STOX2: variants seen among roughly 807,000 people sequenced by gnomAD.
STOX2 encodes storkhead-box protein 2.
Under a neutral mutation model 60.9 loss-of-function variants are expected in STOX2, and 28 were observed. The ratio of observed to expected loss-of-function variants is 0.46; its 90% CI spans 0.34 to 0.63. The LOEUF (loss-of-function observed/expected upper bound fraction) is 0.63, where lower values mean the gene tolerates loss of function less well. Among genes scored for constraint, STOX2 ranks in the 30% least tolerant of loss-of-function variants. STOX2 has a pLI of 0.01. For missense variants in STOX2, 1,024 were observed against 1,187.7 expected, an observed-to-expected ratio of 0.86 and a Z score of 2.03; for synonymous variants, 472 against 463.9, an observed-to-expected ratio of 1.02 and a Z score of -0.22.
At chr4:183,816,087 G>A (rs989162989) in intron 1 of STOX2, among the ~76,000 whole-genome samples, 5 of 152,182 alleles carry the variant, frequency 3.3e-5, no homozygotes, top group East Asian at 1.9e-4. Context: ...AAACCAAATC[G>A]ATTCGTAAGG....
rs771757469 is a variant in STOX2, at chr4:183,832,848, A to G, written c.364+34793A>G. On this transcript the variant is annotated intron_variant, in intron 1 of 2. Transcript: ENST00000513034. ...TCTTCCTCTGACTCTCGGCTCAATT[A>G]AAAAGATGAGGTAAACTTTATACAC... Among the ~76,000 whole-genome samples the G allele has an allele frequency of 3.9e-5, 6 of 152,298 alleles. No individual in the cohort carries two copies. In the South Asian group the frequency reaches 1.2e-3, roughly 32 times the overall value.
At chr4:183,983,796 A>C (rs1205295558) in intron 1 of STOX2, among the ~76,000 whole-genome samples, 1 of 152,096 alleles carries the variant, frequency 6.6e-6, no homozygotes, top group African/African-American at 2.4e-5. Flanking sequence ...TTAATTGATT[A>C]ATTTTTAGAG....
At chr4:184,006,931 GC>G (rs1733875506) in intron 2 of STOX2, among the ~76,000 whole-genome samples, 2 of 141,062 alleles carry the variant, frequency 1.4e-5, no homozygotes, top group East Asian at 4.3e-4. Flanking sequence ...CAGGAGAATG[GC>G]GTGAACCCAG....
At chr4:183,798,749 G>A (rs957742706) in intron 1 of STOX2, 2 of 985,300 alleles carry the variant, frequency 2.0e-6, no homozygotes, top group African/African-American at 3.5e-5. Context: ...GTAAAGAGGG[G>A]CAGAGTCGCC....
intron 1 of STOX2, among the ~76,000 whole-genome samples, chr4:183,976,603 G>A (rs189367099): frequency 7.9e-5 from 12 of 152,204 alleles, no homozygotes; most frequent in Non-Finnish European, 1.5e-4. Flanking sequence ...TACCTGTGGG[G>A]TACTATGCTC....
At chr4:183,838,021 A>G (rs1375685835) in intron 1 of STOX2, among the ~76,000 whole-genome samples, 1 of 152,162 alleles carries the variant, frequency 6.6e-6, no homozygotes, top group Non-Finnish European at 1.5e-5. Context: ...AGTTAGAAAA[A>G]TACAGAAAAT....
chr4:183,824,965 C>T (rs1273693677), intron 1 of STOX2, among the ~76,000 whole-genome samples: 1 of 152,244 alleles, frequency 6.6e-6, no homozygotes. Flanking sequence ...TGTGCAATCA[C>T]AAGTGGGTTC....
At chr4:183,956,541 T>C (rs1252436240) in intron 1 of STOX2, among the ~76,000 whole-genome samples, 1 of 152,098 alleles carries the variant, frequency 6.6e-6, no homozygotes, top group African/African-American at 2.4e-5. Context: ...CACTAATGTT[T>C]TAGAGCTGCA....
chr4:183,989,169 G>GTTTTTTTTTT (rs11421201), intron 1 of STOX2, among the ~76,000 whole-genome samples: 43 of 79,950 alleles, frequency 5.4e-4, no homozygotes, highest in African/African-American at 1.3e-3. Context: ...ATTTTTTCTG[G>GTTTTTTTTTT]TTTTTTTTTT....
chr4:183,826,526 T>G (rs1739436304), intron 1 of STOX2, among the ~76,000 whole-genome samples: 1 of 152,210 alleles, frequency 6.6e-6, no homozygotes, highest in South Asian at 2.1e-4. Context: ...CCATGGCTTG[T>G]ATTCTCTACA....
At chr4:183,889,316 G>A (rs751135787) in intron 1 of STOX2, among the ~76,000 whole-genome samples, 11 of 152,078 alleles carry the variant, frequency 7.2e-5, no homozygotes, top group Non-Finnish European at 1.5e-4. Flanking sequence ...CACACAGGGA[G>A]AATGCACAGA....
Position 184,017,523 on chromosome 4 carries a change from G to C in STOX2, c.*239G>C, listed in dbSNP as rs530008128. 5.1e-6 allele frequency: 2 copies of C among 390,192 alleles called. No homozygotes were observed. Among genetic ancestry groups the C allele is most frequent in the South Asian group, 9.2e-5 (2 of 21,812 alleles). 24.2% of individuals were successfully genotyped at this position (390,192 alleles called of 1,614,324 possible). On this transcript the variant is annotated 3_prime_UTR_variant, in exon 4 of 4. Coordinates refer to ENST00000308497, the MANE Select transcript of STOX2 (RefSeq NM_020225.3). ...CAGTAGGGGTGATATGTATACTTTT[G>C]CTTCACTAATTGTATCTGAGCACAC...
In STOX2 at chr4:183,811,456, G is replaced by A. The variant is rs190049009; in HGVS notation, c.364+13401G>A. Among the ~76,000 whole-genome samples the A allele has an allele frequency of 2.1e-3, 323 of 152,292 alleles. 1 individual carries two copies. Among genetic ancestry groups the A allele is most frequent in the Admixed American group, 0.015 (232 of 15,294 alleles). ...TTGATCCAGGCCTAAAGTATGAAGC[G>A]CCATGCTGTTCCTTTGGGTGACAAG... On this transcript the variant is annotated intron_variant, in intron 1 of 2. Coordinates refer to the STOX2 transcript ENST00000513034.
Position 184,009,681 on chromosome 4 carries a change from A to G in STOX2, c.843A>G (p.Lys281=). 2 of 1,613,826 alleles carry G rather than the reference A, an allele frequency of 1.2e-6. No individual in the cohort carries two copies. The highest frequency in any genetic ancestry group is 2.2e-5 in the South Asian group (2 of 91,056). Residue 281 remains lysine, a synonymous_variant, in exon 3 of 4, where the codon AAA becomes AAG. Coordinates refer to ENST00000308497, the MANE Select transcript of STOX2 (RefSeq NM_020225.3). The surrounding 1 kb of genome is among the most constrained non-coding windows in gnomAD (Gnocchi z 4.0). ...FRLSFKKDKT[K]QLANFSAQFP... ...TAAGTTTTAAAAAAGACAAGACCAA[A>G]CAGCTGGCCAATTTTTCTGCCCAGT... is the stretch of plus-strand genomic sequence containing the variant.
At position 183,951,163 on chromosome 4, in the gene STOX2, C is replaced by T. The variant is rs541254292; in HGVS notation, c.166+44207C>T. 4.4e-4 allele frequency among the ~76,000 whole-genome samples: 66 copies of T among 149,232 alleles called. 1 individual carries two copies. The highest frequency in any genetic ancestry group is 7.7e-4 in the African/African-American group (31 of 40,340). On this transcript the variant is annotated intron_variant, in intron 1 of 3. Transcript: ENST00000308497. The stretch of plus-strand genomic sequence containing the variant: ...CCGGGAGGTGGAGCTTGCAGTGAGC[C>T]GAGATCGCGCCACTGCACTCCAGCC...
intron 1 of STOX2, among the ~76,000 whole-genome samples, chr4:183,976,928 A>G (rs1431787140): frequency 6.6e-6 from 1 of 152,256 alleles, no homozygotes; most frequent in African/African-American, 2.4e-5. Context: ...TTGATTGACC[A>G]TATAGATAAT....
chr4:184,015,777 A>G (rs1053175334), intron 3 of STOX2: 7 of 152,278 alleles, frequency 4.6e-5, no homozygotes, highest in Admixed American at 2.6e-4. Flanking sequence ...CTCAGAGACT[A>G]TTTCCTAAAT....
At chr4:183,871,241 C>G (rs913592458) in intron 1 of STOX2, among the ~76,000 whole-genome samples, 1 of 152,198 alleles carries the variant, frequency 6.6e-6, no homozygotes, top group African/African-American at 2.4e-5. Flanking sequence ...ACTGTGGACT[C>G]TCTTCAGGGA....
rs1024815125 is a variant in STOX2, at chr4:183,828,384, C to T, written c.364+30329C>T. 1.0e-3 allele frequency among the ~76,000 whole-genome samples: 159 copies of T among 152,112 alleles called. 2 individuals carry two copies. Among genetic ancestry groups the T allele is most frequent in the South Asian group, 8.3e-4 (4 of 4,806 alleles). ...CCAGGAAAAGAGGATGGGTGTGGCT[C>T]GGGGGATGTGTTTAGATTCTTCAGT... On this transcript the variant is annotated intron_variant, in intron 1 of 2. Transcript: ENST00000513034.
Sources: allele counts gnomAD v4.1 joint callset (sites outside exome capture counted in the v4.1 genomes callset), GRCh38; gene constraint gnomAD v4.1.1; non-coding constraint Gnocchi (gnomAD v3.1); transcripts MANE v1.5; gene names NCBI Gene and HGNC (gene_info 2026-07-23, HGNC 2026-07-21).